Variants in RAB21 observed in about 807,000 individuals in gnomAD.
RAB21 encodes the protein ras-related protein Rab-21.
In RAB21, 13 loss-of-function variants were observed where a neutral mutation model predicts 33.1. That is an observed-to-expected ratio of 0.39 (90% CI 0.26 to 0.62). The LOEUF (loss-of-function observed/expected upper bound fraction) is 0.62, where lower values mean the gene tolerates loss of function less well. RAB21 is among the 20% of genes least tolerant of loss of function. The pLI is 0.48. For synonymous variants in RAB21, 91 were observed against 103.7 expected (o/e 0.88, Z 0.74); for missense variants, 234 against 279.1 (o/e 0.84, Z 1.15).
rs1883015066 is a variant in RAB21 at position 71,769,830 on chromosome 12, G to T, written c.190G>T (p.Gly64Cys). Reference protein sequence around the residue: ...ASFLTKKLNIGGKRVNLAIWD... With the variant: ...ASFLTKKLNICGKRVNLAIWD... ...ATTCTTAACAAAGAAGTTAAATATT[G>T]GTGGGAAAAGAGTAAACCTTGCCAT... Residue 64 changes from glycine (G) to cysteine (C), a missense_variant, in exon 2 of 7, where the codon GGT becomes TGT. By Grantham distance (159) the Gly-to-Cys change is radical. Transcript: ENST00000261263. 1 of 1,390,498 alleles carries T rather than the reference G, an allele frequency of 7.2e-7. No individual in the cohort carries two copies. Among genetic ancestry groups the T allele is most frequent in the South Asian group, 1.7e-5 (1 of 57,294 alleles). 86.1% of individuals were successfully genotyped at this position (1,390,498 alleles called of 1,614,324 possible).
At position 71,797,389 on chromosome 12, in the gene RAB21, A is replaced by C. The variant is rs1883477002; in HGVS notation, c.*11716A>C. The C allele has an allele frequency of 6.6e-6, 1 of 152,126 alleles. No individual in the cohort carries two copies. Among genetic ancestry groups the C allele is most frequent in the African/African-American group, 2.4e-5 (1 of 41,448 alleles). The allele number at this position is 152,126 out of a possible 1,614,324, so 9.4% of individuals were successfully genotyped here. On this transcript the variant is annotated 3_prime_UTR_variant, in exon 7 of 7. Coordinates refer to ENST00000261263, the MANE Select transcript of RAB21 (RefSeq NM_014999.4). ...TAATAGAAGAAAAGGCCCCATTTAA[A>C]GTAAGACCAAAGGAGAGAAGATACC...
intron 4 of RAB21, among the ~76,000 whole-genome samples, chr12:71,778,290 T>A (rs886067825): frequency 6.6e-5 from 10 of 152,220 alleles, no homozygotes; most frequent in African/African-American, 2.2e-4. Flanking sequence ...CTGCATCTAG[T>A]CTATCCTTAA....
intron 1 of RAB21, among the ~76,000 whole-genome samples, chr12:71,762,778 C>T (rs938215721): frequency 6.6e-6 from 1 of 152,078 alleles, no homozygotes; most frequent in African/African-American, 2.4e-5. Context: ...GATGGGGTTT[C>T]ACCTTGTTGG....
In RAB21 at chr12:71,787,749, A is replaced by C. The variant is rs1208313031; in HGVS notation, c.*2076A>C. The C allele has an allele frequency of 6.6e-6, 1 of 152,172 alleles. No individual in the cohort carries two copies. Among genetic ancestry groups the C allele is most frequent in the Non-Finnish European group, 1.5e-5 (1 of 68,042 alleles). 9.4% of individuals were successfully genotyped at this position (152,172 alleles called of 1,614,324 possible). A position where few individuals can be genotyped will look rare whatever the true frequency, so the allele number is the denominator to read the frequency against. The stretch of plus-strand genomic sequence containing the variant: ...TTTTTGAGGAAGTTGGGGTGGGAAG[A>C]GTCAGGGAGATAAGCTAAAATTGTC... On this transcript the variant is annotated 3_prime_UTR_variant, in exon 7 of 7. Coordinates refer to ENST00000261263, the MANE Select transcript of RAB21 (RefSeq NM_014999.4).
intron 1 of RAB21, among the ~76,000 whole-genome samples, chr12:71,769,030 A>C (rs1883002212): frequency 6.6e-6 from 1 of 152,132 alleles, no homozygotes; most frequent in African/African-American, 2.4e-5. Context: ...CATCTCTGGT[A>C]TTGACCATAC....
Position 71,785,735 on chromosome 12 carries a change from A to G in RAB21, c.*62A>G. ...CTGTGGATCATTGCCCTCAACATGA[A>G]GACTGCCATATTCCAAGTCACATTA... On this transcript the variant is annotated 3_prime_UTR_variant, in exon 7 of 7. Transcript: ENST00000261263. 1 of 1,557,130 alleles carries G rather than the reference A, an allele frequency of 6.4e-7. No individual in the cohort carries two copies. Among genetic ancestry groups the G allele is most frequent in the Non-Finnish European group, 8.8e-7 (1 of 1,131,778 alleles).
Position 71,793,828 on chromosome 12 carries a change from G to A in RAB21, c.*8155G>A, listed in dbSNP as rs894483196. On this transcript the variant is annotated 3_prime_UTR_variant, in exon 7 of 7. Coordinates refer to ENST00000261263, the MANE Select transcript of RAB21 (RefSeq NM_014999.4). ...GGTAGATTTTGGGTTCTGGGTTCTA[G>A]GTTCTAGGCTAATAATTTACTACTT... is the stretch of plus-strand genomic sequence containing the variant. The A allele has an allele frequency of 2.6e-5, 4 of 152,214 alleles. No homozygotes were observed. The highest frequency in any genetic ancestry group is 9.7e-5 in the African/African-American group (4 of 41,448). The allele number at this position is 152,214 out of a possible 1,614,324, so 9.4% of individuals were successfully genotyped here.
At chr12:71,783,022 G>A (rs1883224331) in intron 6 of RAB21, among the ~76,000 whole-genome samples, 1 of 152,050 alleles carries the variant, frequency 6.6e-6, no homozygotes, top group African/African-American at 2.4e-5. Context: ...TGTCAAACTA[G>A]TGAAAAAGAG....
Position 71,789,246 on chromosome 12 carries a change from CTA to C in RAB21, c.*3575_*3576del, listed in dbSNP as rs1883342774. 6.6e-6 allele frequency: 1 copy of C among 151,960 alleles called. No homozygotes were observed. Among genetic ancestry groups the C allele is most frequent in the African/African-American group, 2.4e-5 (1 of 41,390 alleles). The allele number at this position is 151,960 out of a possible 1,614,324, so 9.4% of individuals were successfully genotyped here. ...TCAAAGAGTTTCTAATTAAGGCAAACTATGCATTATGCCAAATATTAAGAACA... is the reference window on the plus strand; with the variant it reads ...TCAAAGAGTTTCTAATTAAGGCAAACTGCATTATGCCAAATATTAAGAACA... On this transcript the variant is annotated 3_prime_UTR_variant, in exon 7 of 7. Transcript: ENST00000261263.
At chr12:71,768,146 A>T (rs1023682263) in intron 1 of RAB21, among the ~76,000 whole-genome samples, 1 of 152,132 alleles carries the variant, frequency 6.6e-6, no homozygotes, top group South Asian at 2.1e-4. Context: ...TCTTGAGGAT[A>T]GCTTGGGCCT....
chr12:71,784,233 TC>T, intron 6 of RAB21, among the ~76,000 whole-genome samples: 1 of 152,300 alleles, frequency 6.6e-6, no homozygotes, highest in South Asian at 2.1e-4. Flanking sequence ...GTAAATACTT[TC>T]TCTCAGTCTG....
At chr12:71,784,442 T>C (rs936687753) in intron 6 of RAB21, among the ~76,000 whole-genome samples, 7 of 152,244 alleles carry the variant, frequency 4.6e-5, no homozygotes, top group African/African-American at 1.2e-4. Flanking sequence ...TTTTGTTTCA[T>C]GTCTTACATT....
At chr12:71,762,673 C>T (rs897932972) in intron 1 of RAB21, among the ~76,000 whole-genome samples, 19 of 151,892 alleles carry the variant, frequency 1.3e-4, no homozygotes, top group African/African-American at 3.6e-4. Context: ...ACCTCTGCCC[C>T]GTGGATTCAA....
intron 1 of RAB21, among the ~76,000 whole-genome samples, chr12:71,767,220 G>C (rs1174187162): frequency 6.6e-6 from 1 of 152,104 alleles, no homozygotes; most frequent in East Asian, 1.9e-4. Flanking sequence ...CCGTACAAGT[G>C]TTTTTGTGTA....
At chr12:71,785,204 A>G (rs778732847) in intron 6 of RAB21, among the ~76,000 whole-genome samples, 14 of 152,240 alleles carry the variant, frequency 9.2e-5, no homozygotes, top group Non-Finnish European at 1.6e-4. Flanking sequence ...CTTCTTTGAC[A>G]TATTTCTAAG....
chr12:71,780,520 A>C (rs1207796076), intron 4 of RAB21, among the ~76,000 whole-genome samples: 1 of 152,222 alleles, frequency 6.6e-6, no homozygotes, highest in African/African-American at 2.4e-5. Flanking sequence ...TAATGTAGGA[A>C]GTTAGAACTA....
At chr12:71,759,252 C>T (rs922838385) in intron 1 of RAB21, among the ~76,000 whole-genome samples, 16 of 152,196 alleles carry the variant, frequency 1.1e-4, no homozygotes, top group African/African-American at 3.9e-4. Context: ...GGGTTGGGTC[C>T]TGGACATGGC....
rs1334055992 is a variant in RAB21, at chr12:71,792,873, C to G, written c.*7200C>G. ...TCACCTGTGCACACATGTTCACATT[C>G]TGTGTTTGATCAGATATGTACCTGC... On this transcript the variant is annotated 3_prime_UTR_variant, in exon 7 of 7. Coordinates refer to ENST00000261263, the MANE Select transcript of RAB21 (RefSeq NM_014999.4). 1 of 152,158 alleles carries G rather than the reference C, an allele frequency of 6.6e-6. No homozygotes were observed. The highest frequency in any genetic ancestry group is 1.5e-5 in the Non-Finnish European group (1 of 68,038). The allele number at this position is 152,158 out of a possible 1,614,324, so 9.4% of individuals were successfully genotyped here. A position where few individuals can be genotyped will look rare whatever the true frequency, so the allele number is the denominator to read the frequency against.
chr12:71,784,517 T>G (rs1434136417), intron 6 of RAB21, among the ~76,000 whole-genome samples: 1 of 149,158 alleles, frequency 6.7e-6, no homozygotes. Context: ...TAAGGTTGAT[T>G]TTTTTTTTTT....
Sources: allele counts gnomAD v4.1 joint callset (sites outside exome capture counted in the v4.1 genomes callset), GRCh38; gene constraint gnomAD v4.1.1; transcripts MANE v1.5; gene names NCBI Gene and HGNC (gene_info 2026-07-23, HGNC 2026-07-21).